GPD2: variants seen among roughly 807,000 people sequenced by gnomAD.
GPD2 encodes the protein glycerol-3-phosphate dehydrogenase, mitochondrial.
A neutral mutation model predicts 82.4 loss-of-function variants in GPD2; 54 were observed. The observed-to-expected ratio is 0.66, with a 90% CI of 0.53 to 0.82. The LOEUF is 0.82. Ranked by LOEUF, GPD2 falls within the 40% of genes least tolerant of loss-of-function variation. The pLI, the probability that GPD2 is intolerant of heterozygous loss-of-function variation, is 0.00. For synonymous variants in GPD2, 288 were observed against 306.1 expected, an observed-to-expected ratio of 0.94 and a Z score of 0.62; for missense variants, 748 against 896.2, an observed-to-expected ratio of 0.83 and a Z score of 2.11.
At chr2:156,444,133 G>T (rs145605732) in intron 1 of GPD2, among the ~76,000 whole-genome samples, 1 of 152,138 alleles carries the variant, frequency 6.6e-6, no homozygotes, top group Non-Finnish European at 1.5e-5. Flanking sequence ...CTCTTGTCCT[G>T]CCTAAAAGGA....
At chr2:156,520,702 G>A (rs963563157) in intron 6 of GPD2, among the ~76,000 whole-genome samples, 4 of 151,634 alleles carry the variant, frequency 2.6e-5, no homozygotes, top group Admixed American at 6.6e-5. Context: ...ATCCCACCTC[G>A]GTCTCCTGAG....
intron 3 of GPD2, among the ~76,000 whole-genome samples, chr2:156,503,865 A>G (rs906456851): frequency 3.9e-5 from 6 of 152,112 alleles, no homozygotes; most frequent in Non-Finnish European, 7.4e-5. Context: ...GCCTTTCTAT[A>G]TTATTTGGAT....
intron 2 of GPD2, among the ~76,000 whole-genome samples, chr2:156,493,201 A>G (rs1239025801): frequency 1.3e-5 from 2 of 152,148 alleles, no homozygotes; most frequent in Non-Finnish European, 2.9e-5. Context: ...GGCTGGAGAG[A>G]GAGAGAGTTG....
chr2:156,467,157 A>T (rs1683178334), intron 1 of GPD2, among the ~76,000 whole-genome samples: 1 of 149,796 alleles, frequency 6.7e-6, no homozygotes, highest in Non-Finnish European at 1.5e-5. Context: ...AAAATTGTTT[A>T]CTTTCTCTTG....
At chr2:156,495,812 G>T in intron 2 of GPD2, 1 of 514,472 alleles carries the variant, frequency 1.9e-6, no homozygotes. Context: ...CATTGAATCT[G>T]AAACCAGGTG....
intron 1 of GPD2, among the ~76,000 whole-genome samples, chr2:156,451,413 C>CG (rs1462058140): frequency 7.4e-6 from 1 of 135,880 alleles, no homozygotes; most frequent in African/African-American, 2.7e-5. Flanking sequence ...GCTGGCAGGG[C>CG]GGGGGGCTGA....
the GPD2 span, among the ~76,000 whole-genome samples, chr2:156,420,326 C>G: frequency 6.6e-6 from 1 of 152,048 alleles, no homozygotes. Context: ...TGTGTGCCAC[C>G]AGGCCTGGCT....
At chr2:156,458,871 C>T (rs1682879851) in intron 1 of GPD2, among the ~76,000 whole-genome samples, 2 of 152,122 alleles carry the variant, frequency 1.3e-5, no homozygotes, top group South Asian at 2.1e-4. Context: ...GAAAATAATG[C>T]ACACAAGGAA....
At chr2:156,487,395 A>T (rs1683985412) in intron 2 of GPD2, among the ~76,000 whole-genome samples, 1 of 152,178 alleles carries the variant, frequency 6.6e-6, no homozygotes, top group African/African-American at 2.4e-5. Context: ...GGTGAGGCAG[A>T]TGCCCTAGGA....
rs564055401 is a variant in GPD2 at position 156,530,731 on chromosome 2, A to G, written c.661+17235A>G. Among the ~76,000 whole-genome samples the G allele has an allele frequency of 1.3e-3, 199 of 152,320 alleles. 1 individual carries two copies. The highest frequency in any genetic ancestry group is 4.6e-3 in the African/African-American group (192 of 41,584). On this transcript the variant is annotated intron_variant, in intron 6 of 16. Coordinates refer to ENST00000438166, the MANE Select transcript of GPD2 (RefSeq NM_000408.5). The stretch of plus-strand genomic sequence containing the variant: ...TAGTTCTGTTTATATGCTGGATTAC[A>G]TTTATTGATTTGTGTATATTGAACC...
chr2:156,451,499 C>T (rs1318888984), intron 1 of GPD2, among the ~76,000 whole-genome samples: 1 of 62,856 alleles, frequency 1.6e-5, no homozygotes, highest in Admixed American at 1.7e-4. Flanking sequence ...CCGGAAGGGG[C>T]GGCTGGCCGA....
the GPD2 span, among the ~76,000 whole-genome samples, chr2:156,427,410 TA>T: frequency 2.6e-5 from 4 of 152,224 alleles, no homozygotes; most frequent in Non-Finnish European, 4.4e-5. Flanking sequence ...ACACTCAAAT[TA>T]TACTGTAATT....
chr2:156,416,124 G>A, the GPD2 span, among the ~76,000 whole-genome samples: 1 of 151,616 alleles, frequency 6.6e-6, no homozygotes, highest in South Asian at 2.1e-4. Flanking sequence ...TTTATCTTGA[G>A]TAATATTCTA....
chr2:156,502,689 G>A (rs1045131002), intron 3 of GPD2, among the ~76,000 whole-genome samples: 2 of 152,164 alleles, frequency 1.3e-5, no homozygotes, highest in African/African-American at 4.8e-5. Flanking sequence ...GCCTCCCAAA[G>A]TGTTGGGATT....
At chr2:156,561,452 C>G (rs1005337838) in intron 9 of GPD2, among the ~76,000 whole-genome samples, 1 of 151,992 alleles carries the variant, frequency 6.6e-6, no homozygotes, top group Admixed American at 6.6e-5. Flanking sequence ...TCTGATTGTT[C>G]GTTCTGGGTT....
chr2:156,496,232 TTTA>T lies in GPD2; in HGVS notation c.274+20_274+22del. ...TCACCAGAGGTAAGTCTTTTTTTTT[TTTA>T]TTTTAATTTTAAGTTCTGGGGTACA... On this transcript the variant is annotated intron_variant, in intron 3 of 16. Coordinates refer to ENST00000438166, the MANE Select transcript of GPD2 (RefSeq NM_000408.5). 1.3e-6 allele frequency: 2 copies of T among 1,558,824 alleles called. No individual in the cohort carries two copies. The highest frequency in any genetic ancestry group is 1.8e-6 in the Non-Finnish European group (2 of 1,132,938).
chr2:156,519,961 G>A lies in GPD2; in HGVS notation c.661+6465G>A, dbSNP rs77177754. 7.2e-3 allele frequency among the ~76,000 whole-genome samples: 1,100 copies of A among 152,344 alleles called. 12 individuals are homozygous for A. Among genetic ancestry groups the A allele is most frequent in the African/African-American group, 0.025 (1,054 of 41,570 alleles). On this transcript the variant is annotated intron_variant, in intron 6 of 16. Transcript: ENST00000438166. ...TACACCTTGCCTTCTTGGTACCCAG[G>A]TTCTTGCCCAGCATCTGGGAAGAAT...
rs1558955765 is a variant in GPD2, at chr2:156,549,895, A to G, written c.826+123A>G. ...GCCACGCTTCAGAGTCATATTAATT[A>G]TATTCGTTATTGTCAGCAATGACTG... On this transcript the variant is annotated intron_variant, in intron 7 of 16. Coordinates refer to ENST00000438166, the MANE Select transcript of GPD2 (RefSeq NM_000408.5). 3.7e-6 allele frequency: 3 copies of G among 819,066 alleles called. No individual in the cohort carries two copies. The East Asian group carries it at 8.0e-5, about 22-fold the overall frequency. The allele number at this position is 819,066 out of a possible 1,614,324, so 50.7% of individuals were successfully genotyped here.
At chr2:156,467,434 C>T (rs959008373) in intron 1 of GPD2, among the ~76,000 whole-genome samples, 1 of 152,128 alleles carries the variant, frequency 6.6e-6, no homozygotes, top group Non-Finnish European at 1.5e-5. Flanking sequence ...ATTTATCTTG[C>T]GTTATCAGGA....
Sources: allele counts gnomAD v4.1 joint callset (sites outside exome capture counted in the v4.1 genomes callset), GRCh38; gene constraint gnomAD v4.1.1; transcripts MANE v1.5; gene names NCBI Gene and HGNC (gene_info 2026-07-23, HGNC 2026-07-21).